Variants in PARN observed in about 807,000 individuals in gnomAD.
The protein encoded by PARN is poly(A)-specific ribonuclease PARN.
Under a neutral mutation model 102.8 loss-of-function variants are expected in PARN, and 71 were observed. The observed-to-expected ratio is 0.69, with a 90% CI of 0.57 to 0.84. The LOEUF is 0.84. PARN is among the 40% of genes least tolerant of loss of function. PARN has a pLI of 0.00. For missense variants in PARN, 782 were observed against 760.9 expected, an observed-to-expected ratio of 1.03 and a Z score of -0.33; for synonymous variants, 261 against 252.9, an observed-to-expected ratio of 1.03 and a Z score of -0.30.
At chr16:14,511,968 T>C (rs1347861046) in intron 21 of PARN, among the ~76,000 whole-genome samples, 1 of 152,186 alleles carries the variant, frequency 6.6e-6, no homozygotes, top group Non-Finnish European at 1.5e-5. Flanking sequence ...GGATTATAGG[T>C]GTGAGTCACC....
At chr16:14,566,294 G>A (rs1002078673) in intron 18 of PARN, among the ~76,000 whole-genome samples, 11 of 152,330 alleles carry the variant, frequency 7.2e-5, no homozygotes, top group African/African-American at 2.4e-4. Context: ...GTCCTCATAA[G>A]AGAGAGGCAG....
intron 21 of PARN, among the ~76,000 whole-genome samples, chr16:14,491,592 C>G (rs1189617932): frequency 6.6e-6 from 1 of 151,820 alleles, no homozygotes; most frequent in East Asian, 1.9e-4. Context: ...AGTGTGACCC[C>G]CATCTCTACA....
intron 6 of PARN, among the ~76,000 whole-genome samples, chr16:14,615,191 T>C (rs980300410): frequency 6.6e-6 from 1 of 152,004 alleles, no homozygotes; most frequent in African/African-American, 2.4e-5. Flanking sequence ...TGAGGCTTGG[T>C]AGTATGGATG....
intron 21 of PARN, among the ~76,000 whole-genome samples, chr16:14,485,978 G>A (rs565852705): frequency 2.6e-4 from 39 of 152,152 alleles, no homozygotes; most frequent in Middle Eastern, 3.4e-3. Context: ...GTGAGCCACC[G>A]TGCCTGGCCT....
At chr16:14,506,463 AG>A (rs1964900221) in intron 21 of PARN, among the ~76,000 whole-genome samples, 1 of 152,378 alleles carries the variant, frequency 6.6e-6, no homozygotes, top group African/African-American at 2.4e-5. Flanking sequence ...TAAATATATT[AG>A]GGCAATATTT....
rs117694432 is a variant in PARN, at chr16:14,451,251, A to G, written c.1671-4170T>C. Among the ~76,000 whole-genome samples the G allele has an allele frequency of 4.7e-4, 71 of 152,196 alleles. 2 individuals carry two copies. The East Asian group carries it at 0.012, about 26-fold the overall frequency. The stretch of plus-strand genomic sequence containing the variant: ...TACTGCCCATCTCCTCCTGCTCAAC[A>G]TCACTCTCCTCCGGGAATGTTCCCA... On this transcript the variant is annotated intron_variant, in intron 22 of 23. Coordinates refer to ENST00000437198, the MANE Select transcript of PARN (RefSeq NM_002582.4).
chr16:14,559,276 A>G (rs1405953284), intron 18 of PARN, among the ~76,000 whole-genome samples: 1 of 151,870 alleles, frequency 6.6e-6, no homozygotes, highest in Non-Finnish European at 1.5e-5. Flanking sequence ...GATGTTTTGA[A>G]AAAATTTTTT....
intron 11 of PARN, among the ~76,000 whole-genome samples, chr16:14,602,610 T>C (rs973424941): frequency 3.3e-5 from 5 of 152,170 alleles, no homozygotes; most frequent in Non-Finnish European, 5.9e-5. Flanking sequence ...AAACGGGCCA[T>C]GCAGGTAAAG....
intron 21 of PARN, among the ~76,000 whole-genome samples, chr16:14,513,321 T>C (rs939413477): frequency 2.6e-5 from 4 of 152,198 alleles, no homozygotes; most frequent in Non-Finnish European, 4.4e-5. Context: ...AAACATGAAC[T>C]ATTTACTATA....
intron 18 of PARN, among the ~76,000 whole-genome samples, chr16:14,575,250 G>A (rs1426198495): frequency 5.3e-5 from 8 of 152,210 alleles, no homozygotes; most frequent in African/African-American, 1.9e-4. Context: ...CTGTCCTTCA[G>A]ACAGCAGAAT....
chr16:14,575,581 C>A (rs1969077406), intron 18 of PARN, among the ~76,000 whole-genome samples: 1 of 152,130 alleles, frequency 6.6e-6, no homozygotes, highest in Admixed American at 6.5e-5. Flanking sequence ...ATAGCCTGTA[C>A]CCCCATTGTA....
chr16:14,520,477 C>A lies in PARN; in HGVS notation c.1480+31544G>T, dbSNP rs143192696. ...GCATGGTGGCTCATGCCTGTAATCT[C>A]AGCACTTTGGGAGGCCAAGGTGGAC... On this transcript the variant is annotated intron_variant, in intron 21 of 23. Coordinates refer to ENST00000437198, the MANE Select transcript of PARN (RefSeq NM_002582.4). Among the ~76,000 whole-genome samples, 305 of 152,086 alleles carry A rather than the reference C, an allele frequency of 2.0e-3. 1 individual carries two copies. Among genetic ancestry groups the A allele is most frequent in the African/African-American group, 7.0e-3 (290 of 41,436 alleles).
chr16:14,565,965 G>A (rs1226000329), intron 18 of PARN, among the ~76,000 whole-genome samples: 2 of 152,166 alleles, frequency 1.3e-5, no homozygotes, highest in African/African-American at 4.8e-5. Context: ...AGAGTATACT[G>A]CTAATCCTTG....
At chr16:14,502,132 C>T (rs1223131204) in intron 21 of PARN, among the ~76,000 whole-genome samples, 1 of 152,180 alleles carries the variant, frequency 6.6e-6, no homozygotes, top group Non-Finnish European at 1.5e-5. Flanking sequence ...GTTTTCTTAT[C>T]TTTGAACTGA....
At position 14,628,238 on chromosome 16, in the gene PARN, T is replaced by C. The variant is rs1318175675; in HGVS notation, c.111A>G (p.Gly37=). 5.0e-6 allele frequency: 8 copies of C among 1,594,668 alleles called. No individual in the cohort carries two copies. The South Asian group carries it at 8.9e-5, about 18-fold the overall frequency. Residue 37 remains glycine, a synonymous_variant, in exon 3 of 24, where the codon GGA becomes GGG. Coordinates refer to ENST00000437198, the MANE Select transcript of PARN (RefSeq NM_002582.4). ...IDGEFSGISD[G]PSVSALTNGF... is the part of the protein sequence containing the mutation. The stretch of plus-strand genomic sequence containing the variant: ...CATTTGTTAATGCAGAGACTGAAGG[T>C]CCATCACTGATTCCTAGATTTTAAG...
In PARN at chr16:14,582,788, T is replaced by G. The variant is rs192130304; in HGVS notation, c.1082-497A>C. Among the ~76,000 whole-genome samples, 5 of 152,172 alleles carry G rather than the reference T, an allele frequency of 3.3e-5. No homozygotes were observed. The East Asian group carries it at 9.7e-4, about 29-fold the overall frequency. ...TGGGCAAGTCACTTCATCCCTAAGG[T>G]TCCAGTTTTGTAAAACAGAGATGAT... On this transcript the variant is annotated intron_variant, in intron 16 of 23. Transcript: ENST00000437198.
rs1960665474 is a variant in PARN, at chr16:14,435,918, A to T, written c.*799T>A. 1 of 151,772 alleles carries T rather than the reference A, an allele frequency of 6.6e-6. No individual in the cohort carries two copies. The highest frequency in any genetic ancestry group is 2.4e-5 in the African/African-American group (1 of 41,068). The allele number at this position is 151,772 out of a possible 1,614,324, so 9.4% of individuals were successfully genotyped here. ...ATTTCACACACACACACACACACACACACACACACACACACACACACACAC... is the reference window on the plus strand; with the variant it reads ...ATTTCACACACACACACACACACACTCACACACACACACACACACACACAC... On this transcript the variant is annotated 3_prime_UTR_variant, in exon 24 of 24. Coordinates refer to ENST00000437198, the MANE Select transcript of PARN (RefSeq NM_002582.4).
chr16:14,457,905 G>GGT (rs1048076917), intron 22 of PARN, among the ~76,000 whole-genome samples: 1 of 138,978 alleles, frequency 7.2e-6, no homozygotes, highest in African/African-American at 2.5e-5. Flanking sequence ...GTGGAATAGG[G>GGT]GTGTGTGTGT....
At chr16:14,497,791 G>A (rs913575009) in intron 21 of PARN, among the ~76,000 whole-genome samples, 1 of 152,150 alleles carries the variant, frequency 6.6e-6, no homozygotes, top group Non-Finnish European at 1.5e-5. Flanking sequence ...TTCATTAACT[G>A]TGTCTCTGTG....
Sources: gnomAD v4.1 joint callset for allele counts (sites outside exome capture counted in the v4.1 genomes callset) on GRCh38, gnomAD v4.1.1 for gene constraint, MANE v1.5 for transcripts, NCBI Gene and HGNC (gene_info 2026-07-23, HGNC 2026-07-21) for gene names.